HDAC4: variants seen among roughly 807,000 people sequenced by gnomAD.
The protein encoded by HDAC4 is histone deacetylase A.
A neutral mutation model predicts 135.1 loss-of-function variants in HDAC4; 16 were observed. The observed-to-expected ratio is 0.12, with a 90% CI of 0.08 to 0.18. The LOEUF (loss-of-function observed/expected upper bound fraction) is 0.18, where lower values mean the gene tolerates loss of function less well. Ranked by LOEUF, HDAC4 falls within the 10% of genes least tolerant of loss-of-function variation. The pLI is 1.00. For missense variants in HDAC4, 1,143 were observed against 1,511.8 expected (o/e 0.76, Z 4.05); for synonymous variants, 685 against 653.4 (o/e 1.05, Z -0.74).
chr2:239,186,755 G>A (rs1482939561), intron 4 of HDAC4: 2 of 152,390 alleles, frequency 1.3e-5, no homozygotes, highest in African/African-American at 2.4e-5. Context: ...GAAGAGGAGA[G>A]GCAGAGGGGT....
intron 1 of HDAC4, among the ~76,000 whole-genome samples, chr2:239,374,396 T>TGC (rs1210005161): frequency 3.0e-4 from 8 of 26,708 alleles, no homozygotes; most frequent in Admixed American, 2.1e-3. Flanking sequence ...CTTTTTTTTT[T>TGC]TTTTTTTTTT....
At chr2:239,103,208 T>C (rs773814978) in intron 15 of HDAC4, among the ~76,000 whole-genome samples, 16 of 152,338 alleles carry the variant, frequency 1.1e-4, no homozygotes, top group Non-Finnish European at 1.8e-4. Context: ...ATTACTTTGC[T>C]TTCCAGCTGC....
At chr2:239,381,076 G>A (rs1376089679) in intron 1 of HDAC4, among the ~76,000 whole-genome samples, 2 of 152,178 alleles carry the variant, frequency 1.3e-5, no homozygotes, top group Non-Finnish European at 2.9e-5. Flanking sequence ...TGGTGACTGA[G>A]CTGTCACCTG....
intron 9 of HDAC4, among the ~76,000 whole-genome samples, chr2:239,136,701 A>T (rs561532411): frequency 5.3e-4 from 80 of 152,344 alleles, no homozygotes; most frequent in African/African-American, 1.8e-3. Context: ...CAAAACCTGA[A>T]GCAGCCAGTA....
In HDAC4 at chr2:239,080,140, G is replaced by A. The variant is rs944690462; in HGVS notation, c.2750+955C>T. 6.8e-5 allele frequency among the ~76,000 whole-genome samples: 10 copies of A among 148,050 alleles called. 1 individual carries two copies. Among genetic ancestry groups the A allele is most frequent in the East Asian group, 1.9e-4 (1 of 5,172 alleles). ...CACCGACCCACACAAACACACACAC[G>A]CACGTGGACACACACATATGCAGAC... is the stretch of plus-strand genomic sequence containing the variant. On this transcript the variant is annotated intron_variant, in intron 22 of 26. Coordinates refer to ENST00000543185, the MANE Select transcript of HDAC4 (RefSeq NM_001378414.1).
intron 3 of HDAC4, among the ~76,000 whole-genome samples, chr2:239,195,532 C>T (rs1248133783): frequency 6.6e-6 from 1 of 152,208 alleles, no homozygotes; most frequent in Non-Finnish European, 1.5e-5. Flanking sequence ...TTCACGCATT[C>T]GTGCGCCTAC....
intron 2 of HDAC4, among the ~76,000 whole-genome samples, chr2:239,266,929 C>T (rs987951804): frequency 6.6e-6 from 1 of 152,172 alleles, no homozygotes; most frequent in Non-Finnish European, 1.5e-5. Context: ...GCCCTAACCA[C>T]TGGAGGTCCC....
At chr2:239,054,021 C>T (rs2031354620) in intron 25 of HDAC4, among the ~76,000 whole-genome samples, 2 of 151,834 alleles carry the variant, frequency 1.3e-5, no homozygotes, top group Non-Finnish European at 2.9e-5. Context: ...TGCCTGGGCC[C>T]TCACAGAGGC....
chr2:239,401,306 T>A (rs951801634), upstream of HDAC4: 1 of 152,322 alleles, frequency 6.6e-6, no homozygotes, highest in African/African-American at 2.4e-5. Flanking sequence ...GGATGCCCTA[T>A]GAGCGGCAGA....
chr2:239,118,068 A>G (rs960066522), intron 12 of HDAC4, among the ~76,000 whole-genome samples: 2 of 151,988 alleles, frequency 1.3e-5, no homozygotes, highest in African/African-American at 4.8e-5. Flanking sequence ...ATCAGACGAC[A>G]CCGGTCCCCA....
intron 1 of HDAC4, among the ~76,000 whole-genome samples, chr2:239,389,137 T>G (rs1256915883): frequency 6.6e-6 from 1 of 152,130 alleles, no homozygotes; most frequent in East Asian, 1.9e-4. Flanking sequence ...GCACTCTGTG[T>G]CTAGCTAAAG....
At chr2:239,055,869 A>C (rs532551924) in intron 24 of HDAC4, among the ~76,000 whole-genome samples, 25 of 152,368 alleles carry the variant, frequency 1.6e-4, no homozygotes, top group African/African-American at 5.8e-4. Flanking sequence ...CAAAGCACCC[A>C]TGTCCCCAGG....
At chr2:239,337,625 C>A (rs189819950) in intron 2 of HDAC4, among the ~76,000 whole-genome samples, 31 of 152,302 alleles carry the variant, frequency 2.0e-4, no homozygotes, top group African/African-American at 7.2e-4. Flanking sequence ...TTCCTCTGAG[C>A]TCCCAACTTG....
chr2:239,162,274 G>C (rs1302759766), intron 6 of HDAC4: 1 of 456,592 alleles, frequency 2.2e-6, no homozygotes, highest in Non-Finnish European at 4.4e-6. Context: ...ACCCAAGGCG[G>C]CCCTGCCCTG....
At chr2:239,232,953 C>CCAAGCCAAGGGTGGCCCTTCCCCTCAG (rs1353056274) in intron 3 of HDAC4, among the ~76,000 whole-genome samples, 34 of 151,728 alleles carry the variant, frequency 2.2e-4, no homozygotes, top group African/African-American at 6.6e-4. Flanking sequence ...CCTTCCCTCA[C>CCAAGCCAAGGGTGGCCCTTCCCCTCAG]CAAGCCAAGG....
At chr2:239,108,320 A>T in intron 14 of HDAC4, 137 bp from the exon 15 acceptor site, 1 of 1,132,152 alleles carries the variant, frequency 8.8e-7, no homozygotes, top group Non-Finnish European at 1.3e-6. Context: ...TCTTTAGAAA[A>T]ATACCACGTT....
intron 5 of HDAC4, among the ~76,000 whole-genome samples, chr2:239,175,867 C>T (rs913807955): frequency 1.3e-5 from 2 of 152,158 alleles, no homozygotes; most frequent in Non-Finnish European, 2.9e-5. Flanking sequence ...GGGCTGAATG[C>T]CCCTTGCTTT....
chr2:239,326,985 G>T (rs950825461), intron 2 of HDAC4, among the ~76,000 whole-genome samples: 2 of 152,254 alleles, frequency 1.3e-5, no homozygotes, highest in Non-Finnish European at 2.9e-5. Flanking sequence ...CATGAGTGCA[G>T]GCATGAGAGG....
chr2:239,353,036 C>T (rs1414076435), intron 1 of HDAC4, 118 bp from the exon 2 acceptor site: 1 of 346,800 alleles, frequency 2.9e-6, no homozygotes, highest in Non-Finnish European at 5.6e-6. Flanking sequence ...CAGAATCTTG[C>T]TCTATCGCCC....
Sources: allele counts gnomAD v4.1 joint callset (sites outside exome capture counted in the v4.1 genomes callset), GRCh38; gene constraint gnomAD v4.1.1; transcripts MANE v1.5; gene names NCBI Gene and HGNC (gene_info 2026-07-23, HGNC 2026-07-21).